Variants in FAM20B observed in about 807,000 individuals in gnomAD.
FAM20B encodes the protein glycosaminoglycan xylosylkinase.
Under a neutral mutation model 43.8 loss-of-function variants are expected in FAM20B, and 23 were observed. That is an observed-to-expected ratio of 0.53 (90% CI 0.38 to 0.74). The LOEUF (loss-of-function observed/expected upper bound fraction) is 0.74. FAM20B is among the 30% of genes least tolerant of loss of function. The probability of loss-of-function intolerance (pLI) is 0.00; values close to 1 mark genes in which losing one functional copy is unlikely to be tolerated. For missense variants in FAM20B, 440 were observed against 510.5 expected, an observed-to-expected ratio of 0.86 and a Z score of 1.33; for synonymous variants, 178 against 192.4, an observed-to-expected ratio of 0.93 and a Z score of 0.62.
Position 179,075,982 on chromosome 1 carries a change from C to T in FAM20B, c.*3838C>T, listed in dbSNP as rs1325947816. Reference sequence around the variant, plus strand: ...TAAAAGTATATGTAATGTATATAGTCGTATATGTATTCTAGCAAGAAAAAC... The same window carrying T: ...TAAAAGTATATGTAATGTATATAGTTGTATATGTATTCTAGCAAGAAAAAC... On this transcript the variant is annotated 3_prime_UTR_variant, in exon 8 of 8. Transcript: ENST00000263733. 1.1e-4 allele frequency: 17 copies of T among 152,134 alleles called. No individual in the cohort carries two copies. The East Asian group carries it at 2.3e-3, about 21-fold the overall frequency. The allele number at this position is 152,134 out of a possible 1,614,324, so 9.4% of individuals were successfully genotyped here.
chr1:179,053,891 G>A (rs1289607517), intron 3 of FAM20B, among the ~76,000 whole-genome samples: 6 of 152,126 alleles, frequency 3.9e-5, no homozygotes, highest in Non-Finnish European at 7.4e-5. Flanking sequence ...TCTGGGTTGT[G>A]GAATCATAGG....
intron 6 of FAM20B, among the ~76,000 whole-genome samples, chr1:179,065,130 G>A (rs1025983273): frequency 2.0e-5 from 3 of 151,804 alleles, no homozygotes; most frequent in African/African-American, 7.3e-5. Context: ...CTCTGTGGTG[G>A]CCGGTTTAGT....
At chr1:179,054,783 A>T (rs1252496789) in intron 4 of FAM20B, 145 bp downstream of exon 4, 3 of 491,370 alleles carry the variant, frequency 6.1e-6, no homozygotes, top group Non-Finnish European at 1.1e-5. Flanking sequence ...CTCTCAGGTT[A>T]TTTGGGAAAA....
intron 4 of FAM20B, among the ~76,000 whole-genome samples, chr1:179,063,645 T>C (rs1363451402): frequency 6.6e-6 from 1 of 152,122 alleles, no homozygotes; most frequent in Non-Finnish European, 1.5e-5. Context: ...AGGATACTGG[T>C]GATGGTAGTT....
At chr1:179,023,349 T>C (rs965929871), upstream of FAM20B, among the ~76,000 whole-genome samples, 19 of 152,352 alleles carry the variant, frequency 1.2e-4, no homozygotes, top group African/African-American at 4.6e-4. Flanking sequence ...TGAAATAGTG[T>C]ATGTCTTTAA....
chr1:179,050,146 T>C, intron 2 of FAM20B, 133 bp from the exon 3 acceptor site: 1 of 596,986 alleles, frequency 1.7e-6, no homozygotes, highest in South Asian at 2.2e-5. Flanking sequence ...TAATCCACAG[T>C]TGTTTGCAGG....
chr1:179,027,953 T>C (rs1387340234), intron 1 of FAM20B, among the ~76,000 whole-genome samples: 1 of 152,178 alleles, frequency 6.6e-6, no homozygotes, highest in Non-Finnish European at 1.5e-5. Flanking sequence ...CCTTGACTTT[T>C]AGTTCATTCC....
intron 4 of FAM20B, among the ~76,000 whole-genome samples, chr1:179,057,321 G>A (rs754516090): frequency 6.6e-6 from 1 of 152,090 alleles, no homozygotes; most frequent in Non-Finnish European, 1.5e-5. Flanking sequence ...ACTCCAGCCT[G>A]GTCGACAGAG....
intron 2 of FAM20B, among the ~76,000 whole-genome samples, chr1:179,049,162 C>G (rs1650897026): frequency 6.6e-6 from 1 of 152,170 alleles, no homozygotes; most frequent in South Asian, 2.1e-4. Flanking sequence ...ATATGCCAGT[C>G]TTCATTATCC....
chr1:179,026,711 G>T (rs1361595904), intron 1 of FAM20B, among the ~76,000 whole-genome samples: 1 of 152,236 alleles, frequency 6.6e-6, no homozygotes, highest in Non-Finnish European at 1.5e-5. Context: ...TGCTGTGTTA[G>T]CCCTCAGTGG....
intron 1 of FAM20B, chr1:179,035,334 G>A (rs1650176437): frequency 5.8e-6 from 4 of 684,024 alleles, no homozygotes; most frequent in Admixed American, 5.3e-5. Flanking sequence ...GGGGTCGTGG[G>A]GCAGCACCCA....
chr1:179,069,627 C>T (rs547388427), intron 7 of FAM20B, among the ~76,000 whole-genome samples: 89 of 152,136 alleles, frequency 5.9e-4, no homozygotes, highest in Non-Finnish European at 1.1e-3. Flanking sequence ...CCGCCTTGGC[C>T]TCCCAAAGTG....
intron 7 of FAM20B, among the ~76,000 whole-genome samples, chr1:179,068,863 G>T (rs1410322954): frequency 6.6e-6 from 1 of 152,216 alleles, no homozygotes; most frequent in Non-Finnish European, 1.5e-5. Flanking sequence ...CAGTGGAGAA[G>T]GTTTAGCTCA....
chr1:179,066,585 G>A (rs1161147229), intron 6 of FAM20B, among the ~76,000 whole-genome samples: 1 of 152,122 alleles, frequency 6.6e-6, no homozygotes, highest in African/African-American at 2.4e-5. Context: ...TTGTAAATGA[G>A]TATATTTGTT....
intron 4 of FAM20B, among the ~76,000 whole-genome samples, chr1:179,059,313 G>T (rs1452276515): frequency 6.6e-6 from 1 of 152,200 alleles, no homozygotes; most frequent in Non-Finnish European, 1.5e-5. Context: ...GGCATCGATT[G>T]GTGTCTGACA....
At chr1:179,068,414 A>AT (rs1651778432) in intron 7 of FAM20B, among the ~76,000 whole-genome samples, 1 of 152,062 alleles carries the variant, frequency 6.6e-6, no homozygotes, top group East Asian at 1.9e-4. Flanking sequence ...ACATAGTGTG[A>AT]TAAACAGAGG....
At chr1:179,057,525 A>G (rs1651276059) in intron 4 of FAM20B, among the ~76,000 whole-genome samples, 1 of 152,182 alleles carries the variant, frequency 6.6e-6, no homozygotes, top group Admixed American at 6.5e-5. Flanking sequence ...TGACAATAGC[A>G]TGCAATAAGT....
At chr1:179,057,225 A>T (rs889629524) in intron 4 of FAM20B, among the ~76,000 whole-genome samples, 1 of 152,108 alleles carries the variant, frequency 6.6e-6, no homozygotes. Flanking sequence ...CACACCTGTA[A>T]TCACAGCTAC....
At chr1:179,024,770 C>T (rs1030095704), upstream of FAM20B, among the ~76,000 whole-genome samples, 3 of 152,186 alleles carry the variant, frequency 2.0e-5, no homozygotes, top group African/African-American at 7.2e-5. Flanking sequence ...ACGAATAACA[C>T]CTAATCATAC....
Sources: allele counts gnomAD v4.1 joint callset (sites outside exome capture counted in the v4.1 genomes callset), GRCh38; gene constraint gnomAD v4.1.1; transcripts MANE v1.5; gene names NCBI Gene and HGNC (gene_info 2026-07-23, HGNC 2026-07-21).